Variants in KCNIP1 observed in about 807,000 individuals in gnomAD.
The protein encoded by KCNIP1 is A-type potassium channel modulatory protein KCNIP1.
KCNIP1 carries 18 observed loss-of-function variants against 33.0 expected under a neutral mutation model. The observed-to-expected ratio is 0.55, with a 90% CI of 0.38 to 0.81. The LOEUF (loss-of-function observed/expected upper bound fraction) is 0.81. KCNIP1 is among the 30% of genes least tolerant of loss of function. The pLI is 0.00. For synonymous variants in KCNIP1, 93 were observed against 98.3 expected, an observed-to-expected ratio of 0.95 and a Z score of 0.32; for missense variants, 238 against 271.6, an observed-to-expected ratio of 0.88 and a Z score of 0.87.
At chr5:170,641,693 G>A (rs1004886019) in intron 1 of KCNIP1, among the ~76,000 whole-genome samples, 1 of 152,176 alleles carries the variant, frequency 6.6e-6, no homozygotes, top group Admixed American at 6.5e-5. Flanking sequence ...ATCTGGCCAG[G>A]AACCGGCTCC....
intron 1 of KCNIP1, among the ~76,000 whole-genome samples, chr5:170,486,983 A>G (rs565072109): frequency 1.3e-5 from 2 of 152,206 alleles, no homozygotes; most frequent in South Asian, 2.1e-4. Context: ...AACCAACAGG[A>G]TGTGTGTGTA....
chr5:170,598,889 C>CTGTGTGTGTGCGCGTGTGTGTGTG (rs1193319687), intron 1 of KCNIP1, among the ~76,000 whole-genome samples: 3 of 141,836 alleles, frequency 2.1e-5, no homozygotes, highest in South Asian at 2.4e-4. Flanking sequence ...CATAGCCCCG[C>CTGTGTGTGTGCGCGTGTGTGTGTG]TGTGTGTGTG....
intron 1 of KCNIP1, among the ~76,000 whole-genome samples, chr5:170,536,942 G>T (rs529130586): frequency 3.9e-5 from 6 of 152,298 alleles, no homozygotes; most frequent in Non-Finnish European, 7.3e-5. Flanking sequence ...AACATGGGTA[G>T]CTCTGCTCAG....
At chr5:170,587,258 C>T (rs1391116379) in intron 1 of KCNIP1, among the ~76,000 whole-genome samples, 2 of 147,900 alleles carry the variant, frequency 1.4e-5, no homozygotes, top group Non-Finnish European at 3.0e-5. Context: ...CCTGTCTCTA[C>T]AAAAATAGAA....
At chr5:170,389,920 C>T (rs947765850) in intron 1 of KCNIP1, among the ~76,000 whole-genome samples, 1 of 152,154 alleles carries the variant, frequency 6.6e-6, no homozygotes, top group East Asian at 1.9e-4. Flanking sequence ...ATTTTTAAAA[C>T]CTACTTTGCT....
At chr5:170,373,237 G>A (rs1763894146) in intron 1 of KCNIP1, among the ~76,000 whole-genome samples, 1 of 152,190 alleles carries the variant, frequency 6.6e-6, no homozygotes, top group South Asian at 2.1e-4. Flanking sequence ...ACTCATCTGG[G>A]GGACAGGATC....
chr5:170,697,385 G>A (rs1265071437), intron 1 of KCNIP1, among the ~76,000 whole-genome samples: 1 of 152,188 alleles, frequency 6.6e-6, no homozygotes, highest in South Asian at 2.1e-4. Context: ...CACACTGCCT[G>A]CCAAAGTGCC....
chr5:170,484,735 G>A (rs61090651), intron 1 of KCNIP1, among the ~76,000 whole-genome samples: 1 of 143,452 alleles, frequency 7.0e-6, no homozygotes, highest in Non-Finnish European at 1.5e-5. Context: ...ATCTCTCTTA[G>A]CCAGGCTCCT....
chr5:170,443,647 C>T (rs1397592363), intron 1 of KCNIP1, among the ~76,000 whole-genome samples: 2 of 152,242 alleles, frequency 1.3e-5, no homozygotes, highest in Admixed American at 6.5e-5. Flanking sequence ...CTCCTGTCCT[C>T]GTCCTGAGTT....
chr5:170,550,528 A>T (rs536062809), intron 1 of KCNIP1, among the ~76,000 whole-genome samples: 22 of 148,244 alleles, frequency 1.5e-4, no homozygotes, highest in South Asian at 4.2e-4. Flanking sequence ...GGCAATGATG[A>T]TGATGGTGAT....
intron 1 of KCNIP1, among the ~76,000 whole-genome samples, chr5:170,650,818 T>G (rs984400969): frequency 6.6e-6 from 1 of 152,152 alleles, no homozygotes; most frequent in Non-Finnish European, 1.5e-5. Context: ...CATCAAAAAT[T>G]TAAACTTCTG....
intron 1 of KCNIP1, among the ~76,000 whole-genome samples, chr5:170,462,340 A>G (rs1467456844): frequency 2.6e-5 from 4 of 152,022 alleles, no homozygotes; most frequent in Non-Finnish European, 4.4e-5. Flanking sequence ...ACAATTCTCA[A>G]AAGAAGATAT....
At chr5:170,387,819 C>G (rs1208635443) in intron 1 of KCNIP1, among the ~76,000 whole-genome samples, 1 of 152,246 alleles carries the variant, frequency 6.6e-6, no homozygotes, top group Non-Finnish European at 1.5e-5. Flanking sequence ...AAAGCCCCAA[C>G]AGCCTGCTTC....
intron 1 of KCNIP1, among the ~76,000 whole-genome samples, chr5:170,600,578 C>A (rs1758652333): frequency 6.6e-6 from 1 of 152,122 alleles, no homozygotes; most frequent in African/African-American, 2.4e-5. Flanking sequence ...CTGGACAGAC[C>A]CTCACACCAC....
intron 1 of KCNIP1, among the ~76,000 whole-genome samples, chr5:170,538,628 T>C (rs768481664): frequency 9.2e-5 from 14 of 151,878 alleles, no homozygotes; most frequent in Middle Eastern, 6.8e-3. Flanking sequence ...TTGCACCAGC[T>C]GTGTCCTTGG....
intron 1 of KCNIP1, among the ~76,000 whole-genome samples, chr5:170,370,494 T>C (rs1277039260): frequency 6.6e-6 from 1 of 152,160 alleles, no homozygotes; most frequent in African/African-American, 2.4e-5. Context: ...AAAAACATCA[T>C]TTAGGGCCAT....
At chr5:170,682,369 C>A (rs1202385081) in intron 1 of KCNIP1, among the ~76,000 whole-genome samples, 10 of 152,190 alleles carry the variant, frequency 6.6e-5, no homozygotes, top group Admixed American at 2.0e-4. Context: ...GGCAGCCAGA[C>A]TGTGAGTCCC....
intron 1 of KCNIP1, among the ~76,000 whole-genome samples, chr5:170,465,807 A>G (rs1191705817): frequency 6.6e-6 from 1 of 152,234 alleles, no homozygotes; most frequent in Non-Finnish European, 1.5e-5. Context: ...GGTCCTCAGA[A>G]GAACATTCTA....
chr5:170,415,155 C>T (rs955157260), intron 1 of KCNIP1, among the ~76,000 whole-genome samples: 1 of 152,140 alleles, frequency 6.6e-6, no homozygotes. Flanking sequence ...GGATAACCCA[C>T]GAGGACGTTG....
Sources: gnomAD v4.1 joint callset for allele counts (sites outside exome capture counted in the v4.1 genomes callset) on GRCh38, gnomAD v4.1.1 for gene constraint, MANE v1.5 for transcripts, NCBI Gene and HGNC (gene_info 2026-07-23, HGNC 2026-07-21) for gene names.